ULK4: variants seen among roughly 807,000 people sequenced by gnomAD.
The protein encoded by ULK4 is unc-51 like kinase 4, also known as inactive serine/threonine-protein kinase ULK4.
ULK4 carries 133 observed loss-of-function variants against 160.6 expected under a neutral mutation model. That is an observed-to-expected ratio of 0.83 (90% CI 0.72 to 0.96). ULK4 has a LOEUF of 0.96. ULK4 is among the 40% of genes least tolerant of loss of function. ULK4 has a pLI of 0.00. For missense variants in ULK4, 1,580 were observed against 1,499.5 expected, an observed-to-expected ratio of 1.05 and a Z score of -0.89; for synonymous variants, 534 against 539.8, an observed-to-expected ratio of 0.99 and a Z score of 0.15.
At chr3:41,581,807 AG>A (rs1413840451) in intron 31 of ULK4, among the ~76,000 whole-genome samples, 1 of 152,198 alleles carries the variant, frequency 6.6e-6, no homozygotes, top group Non-Finnish European at 1.5e-5. Context: ...GAGAGGTATT[AG>A]GAAGGAGATG....
At chr3:41,838,522 G>C (rs2125656754) in intron 17 of ULK4, among the ~76,000 whole-genome samples, 1 of 151,884 alleles carries the variant, frequency 6.6e-6, no homozygotes, top group South Asian at 2.1e-4. Flanking sequence ...TACAGAAAAA[G>C]TCCAAATGGA....
At chr3:41,948,492 C>T (rs1700182385) in intron 2 of ULK4, among the ~76,000 whole-genome samples, 1 of 151,904 alleles carries the variant, frequency 6.6e-6, no homozygotes, top group Non-Finnish European at 1.5e-5. Context: ...AGGCACTATG[C>T]TAAATATCTT....
chr3:41,769,638 C>A (rs975398363), intron 21 of ULK4, among the ~76,000 whole-genome samples: 1 of 152,120 alleles, frequency 6.6e-6, no homozygotes, highest in Non-Finnish European at 1.5e-5. Context: ...GTGGACATTT[C>A]TTTTCTAACT....
intron 32 of ULK4, among the ~76,000 whole-genome samples, chr3:41,541,572 A>G (rs967847852): frequency 1.2e-4 from 19 of 152,140 alleles, no homozygotes; most frequent in African/African-American, 2.4e-5. Flanking sequence ...AAAAAAGTCA[A>G]TGGTAGCTTG....
intron 35 of ULK4, among the ~76,000 whole-genome samples, chr3:41,316,568 A>G (rs1248967643): frequency 6.6e-6 from 1 of 152,214 alleles, no homozygotes; most frequent in African/African-American, 2.4e-5. Flanking sequence ...AATACTGAGC[A>G]CACATGGGCA....
chr3:41,250,344 T>C (rs1228066534), intron 35 of ULK4, among the ~76,000 whole-genome samples: 1 of 152,246 alleles, frequency 6.6e-6, no homozygotes, highest in East Asian at 1.9e-4. Context: ...TCTTTGTTAG[T>C]TTAAAATTTC....
At chr3:41,305,473 C>T (rs1268861258) in intron 35 of ULK4, among the ~76,000 whole-genome samples, 1 of 152,250 alleles carries the variant, frequency 6.6e-6, no homozygotes, top group African/African-American at 2.4e-5. Context: ...CCGCCAGCCT[C>T]GGCCTCCCGA....
At chr3:41,447,947 T>A (rs2083340840) in intron 34 of ULK4, among the ~76,000 whole-genome samples, 1 of 152,084 alleles carries the variant, frequency 6.6e-6, no homozygotes, top group East Asian at 1.9e-4. Flanking sequence ...CACCACCACC[T>A]CCTACTAGAG....
chr3:41,321,334 C>A (rs891868468), intron 35 of ULK4, among the ~76,000 whole-genome samples: 1 of 152,264 alleles, frequency 6.6e-6, no homozygotes, highest in East Asian at 1.9e-4. Context: ...TTCCCACAAC[C>A]CTACTGCAAT....
At chr3:41,742,287 G>A (rs960021732) in intron 22 of ULK4, among the ~76,000 whole-genome samples, 8 of 151,976 alleles carry the variant, frequency 5.3e-5, no homozygotes, top group Non-Finnish European at 8.8e-5. Context: ...CCCTGGAGGG[G>A]TAGTGTCTAT....
chr3:41,743,663 A>G (rs1466681227), intron 22 of ULK4, among the ~76,000 whole-genome samples: 3 of 151,892 alleles, frequency 2.0e-5, no homozygotes, highest in African/African-American at 7.3e-5. Flanking sequence ...AACATCCTTA[A>G]GACAATTTTT....
intron 35 of ULK4, among the ~76,000 whole-genome samples, chr3:41,344,925 T>C (rs1022374048): frequency 6.6e-6 from 1 of 151,826 alleles, no homozygotes; most frequent in Non-Finnish European, 1.5e-5. Flanking sequence ...ACAAGGAACT[T>C]GAGTTTACAA....
At chr3:41,740,541 A>G (rs1271694211) in intron 22 of ULK4, among the ~76,000 whole-genome samples, 1 of 151,920 alleles carries the variant, frequency 6.6e-6, no homozygotes, top group Non-Finnish European at 1.5e-5. Context: ...TATCATTTTT[A>G]TCTGATCTTG....
At chr3:41,289,807 TTATGTATGTATGTATG>T (rs34876578) in intron 35 of ULK4, among the ~76,000 whole-genome samples, 3,055 of 147,864 alleles carry the variant, frequency 0.021, 101 homozygotes, top group African/African-American at 0.067. Context: ...TTAGGTCAAC[TTATGTATGTATGTATG>T]TATGTATGTA....
At chr3:41,572,550 G>A (rs1349078231) in intron 31 of ULK4, among the ~76,000 whole-genome samples, 1 of 151,730 alleles carries the variant, frequency 6.6e-6, no homozygotes, top group Non-Finnish European at 1.5e-5. Context: ...CACAAGGTCA[G>A]GAGATTGAGA....
chr3:41,422,730 CTG>C (rs986002578), intron 34 of ULK4, among the ~76,000 whole-genome samples: 4 of 152,106 alleles, frequency 2.6e-5, no homozygotes, highest in Admixed American at 1.3e-4. Flanking sequence ...CATTTATACA[CTG>C]TTTAATTAGA....
At position 41,470,027 on chromosome 3, in the gene ULK4, A is replaced by AAAC. The variant is rs2083940185; in HGVS notation, c.3227-6775_3227-6774insGTT. Among the ~76,000 whole-genome samples the AAAC allele has an allele frequency of 2.8e-5, 4 of 142,442 alleles. No homozygotes were observed. In the East Asian group the frequency reaches 8.2e-4, roughly 29 times the overall value. The allele number at this position is 142,442 out of a possible 152,430, so 93.4% of individuals were successfully genotyped here. ...AAGAAGAAACAGAACAGAAAAAAAA[A>AAAC]AAAAAAAAAAAAAAAAAAACAAAGT... On this transcript the variant is annotated intron_variant, in intron 32 of 36. Coordinates refer to ENST00000301831, the MANE Select transcript of ULK4 (RefSeq NM_017886.4).
At chr3:41,531,775 G>A (rs923882932) in intron 32 of ULK4, among the ~76,000 whole-genome samples, 9 of 152,164 alleles carry the variant, frequency 5.9e-5, no homozygotes, top group African/African-American at 2.2e-4. Flanking sequence ...AGAAATTTCA[G>A]TTCAGTAGAA....
chr3:41,668,426 T>G (rs2035421870), intron 29 of ULK4, among the ~76,000 whole-genome samples: 1 of 152,276 alleles, frequency 6.6e-6, no homozygotes, highest in Non-Finnish European at 1.5e-5. Flanking sequence ...TTTCTGTGTT[T>G]GGATACATAA....
Sources: allele counts gnomAD v4.1 joint callset (sites outside exome capture counted in the v4.1 genomes callset), GRCh38; gene constraint gnomAD v4.1.1; transcripts MANE v1.5; gene names NCBI Gene and HGNC (gene_info 2026-07-23, HGNC 2026-07-21).